The following MARK2 variants were observed in gnomAD, a reference collection of about 807,000 sequenced individuals.
MARK2 encodes microtubule affinity regulating kinase 2.
In MARK2, 16 loss-of-function variants were observed where a neutral mutation model predicts 89.8. The ratio of observed to expected loss-of-function variants is 0.18; its 90% CI spans 0.12 to 0.27. MARK2 has a LOEUF of 0.27. Among genes scored for constraint, MARK2 ranks in the 10% least tolerant of loss-of-function variants. The pLI, the probability that MARK2 is intolerant of heterozygous loss-of-function variation, is 1.00. For missense variants in MARK2, 621 were observed against 1,049.9 expected (o/e 0.59, Z 5.65); for synonymous variants, 382 against 399.5 (o/e 0.96, Z 0.52).
At chr11:63,891,652 CAG>C (rs1554982044) in intron 1 of MARK2, among the ~76,000 whole-genome samples, 13 of 152,368 alleles carry the variant, frequency 8.5e-5, no homozygotes, top group Non-Finnish European at 1.6e-4. Flanking sequence ...CTCGGAGAAA[CAG>C]GGAGTGACAA....
At chr11:63,906,207 C>A in intron 17 of MARK2, 93 bp downstream of exon 17, 1 of 1,242,068 alleles carries the variant, frequency 8.1e-7, no homozygotes, top group Middle Eastern at 3.0e-4. Context: ...CTGGCTCTTA[C>A]TCTCCTCCAT....
chr11:63,841,596 G>T (rs2016020523), intron 1 of MARK2, among the ~76,000 whole-genome samples: 1 of 152,116 alleles, frequency 6.6e-6, no homozygotes, highest in Non-Finnish European at 1.5e-5. Flanking sequence ...CTTTGTTTTA[G>T]CAGGTAAACC....
At chr11:63,879,067 G>A (rs1408387374) in intron 1 of MARK2, among the ~76,000 whole-genome samples, 2 of 152,170 alleles carry the variant, frequency 1.3e-5, no homozygotes, top group Non-Finnish European at 2.9e-5. Flanking sequence ...CACTTTGGGA[G>A]GCCGAGGCAG....
chr11:63,850,236 C>T (rs2016500007), intron 1 of MARK2, among the ~76,000 whole-genome samples: 1 of 152,034 alleles, frequency 6.6e-6, no homozygotes, highest in Non-Finnish European at 1.5e-5. Context: ...GTGACCTCCA[C>T]CTCCCAGGTT....
At chr11:63,846,571 G>C (rs1192790174) in intron 1 of MARK2, among the ~76,000 whole-genome samples, 4 of 151,772 alleles carry the variant, frequency 2.6e-5, no homozygotes, top group Non-Finnish European at 5.9e-5. Flanking sequence ...GGTCAGGCTG[G>C]CCTTGAACTC....
intron 1 of MARK2, among the ~76,000 whole-genome samples, chr11:63,873,954 T>C (rs1938600060): frequency 6.6e-6 from 1 of 152,232 alleles, no homozygotes; most frequent in Non-Finnish European, 1.5e-5. Flanking sequence ...GCCTGAAGAT[T>C]GGTTATTTAG....
chr11:63,900,927 C>G lies in MARK2; in HGVS notation c.989-30C>G. ...GGTTAAGCTTGCCTAGGAGTTGAGG[C>G]CAGTCTTAACTGTATGTCCCCCTGT... On this transcript the variant is annotated intron_variant, in intron 10 of 18. Transcript: ENST00000402010. This position sits in a 1 kb window ranked among gnomAD's most constrained non-coding sequence, Gnocchi z 4.7. The G allele has an allele frequency of 6.2e-7, 1 of 1,609,590 alleles. No individual in the cohort carries two copies. Among genetic ancestry groups the G allele is most frequent in the Non-Finnish European group, 8.5e-7 (1 of 1,175,806 alleles).
intron 1 of MARK2, among the ~76,000 whole-genome samples, chr11:63,892,500 C>G (rs1024464998): frequency 6.6e-6 from 1 of 152,142 alleles, no homozygotes; most frequent in Middle Eastern, 3.4e-3. Context: ...GAGTGCTTCA[C>G]GTACAGCCAG....
intron 1 of MARK2, among the ~76,000 whole-genome samples, chr11:63,852,775 A>G (rs1590972581): frequency 6.6e-6 from 1 of 152,202 alleles, no homozygotes; most frequent in East Asian, 1.9e-4. Context: ...GCGACAGAAC[A>G]TTTTCATGTA....
chr11:63,867,825 A>G (rs923705079), intron 1 of MARK2, among the ~76,000 whole-genome samples: 1 of 152,180 alleles, frequency 6.6e-6, no homozygotes, highest in East Asian at 1.9e-4. Context: ...AGGGATCTTC[A>G]GATCTCTCTT....
intron 1 of MARK2, among the ~76,000 whole-genome samples, chr11:63,853,162 A>G (rs1317185473): frequency 1.1e-4 from 16 of 151,992 alleles, no homozygotes; most frequent in Non-Finnish European, 1.8e-4. Context: ...AGTTTGGGAG[A>G]CCGAGGCAGG....
intron 1 of MARK2, among the ~76,000 whole-genome samples, chr11:63,847,099 G>A (rs1397741664): frequency 2.0e-5 from 3 of 152,166 alleles, no homozygotes; most frequent in Non-Finnish European, 4.4e-5. Flanking sequence ...TTCCAGCCTG[G>A]GCAACAGAGT....
chr11:63,849,170 C>A (rs1274438056), intron 1 of MARK2, among the ~76,000 whole-genome samples: 2 of 152,198 alleles, frequency 1.3e-5, no homozygotes, highest in African/African-American at 4.8e-5. Context: ...GCCCCCTCAA[C>A]CTTCTGGACT....
chr11:63,890,352 G>A (rs930216331), intron 1 of MARK2: 14 of 1,102,770 alleles, frequency 1.3e-5, no homozygotes, highest in Middle Eastern at 3.6e-4. Flanking sequence ...GTTCAGTCCC[G>A]AAAAGGGGGT....
intron 18 of MARK2, 66 bp from the exon 19 acceptor site, chr11:63,908,811 A>AGG (rs920196188): frequency 4.2e-5 from 59 of 1,408,516 alleles, no homozygotes; most frequent in African/African-American, 1.0e-4. Flanking sequence ...GCTGTCTGCC[A>AGG]GGGTGGCTCT....
chr11:63,898,934 C>A, intron 6 of MARK2, 101 bp downstream of exon 6: 1 of 1,260,878 alleles, frequency 7.9e-7, no homozygotes, highest in Non-Finnish European at 1.2e-6. Flanking sequence ...TTGGAGGGTA[C>A]TTTGGGCTCT....
intron 1 of MARK2, 21 bp downstream of exon 1, chr11:63,839,581 C>T: frequency 2.0e-6 from 3 of 1,491,388 alleles, no homozygotes; most frequent in Non-Finnish European, 1.8e-6. Flanking sequence ...CCGAGGGCTC[C>T]CCGAATTCTC....
Position 63,846,658 on chromosome 11 carries a change from T to A in MARK2, c.54+7098T>A, listed in dbSNP as rs867305067. On this transcript the variant is annotated intron_variant, in intron 1 of 18. Coordinates refer to ENST00000402010, the MANE Select transcript of MARK2 (RefSeq NM_001039469.3). ...AGTCACCCCGCCTGGCCAAAAAAAA[T>A]TTTTTTTTTTTTTTTGAGACGTTGT... Among the ~76,000 whole-genome samples the A allele has an allele frequency of 9.5e-3, 987 of 104,296 alleles. 5 individuals are homozygous for A. Among genetic ancestry groups the A allele is most frequent in the South Asian group, 0.021 (50 of 2,374 alleles). 68.4% of individuals were successfully genotyped at this position (104,296 alleles called of 152,430 possible). A position where few individuals can be genotyped will look rare whatever the true frequency, so the allele number is the denominator to read the frequency against.
chr11:63,905,544 A>G (rs1941257943), intron 16 of MARK2, among the ~76,000 whole-genome samples: 1 of 152,164 alleles, frequency 6.6e-6, no homozygotes, highest in Non-Finnish European at 1.5e-5. Flanking sequence ...TTTAGGGTGA[A>G]ACCTATAAAT....
Sources: allele counts gnomAD v4.1 joint callset (sites outside exome capture counted in the v4.1 genomes callset), GRCh38; gene constraint gnomAD v4.1.1; non-coding constraint Gnocchi (gnomAD v3.1); transcripts MANE v1.5; gene names NCBI Gene and HGNC (gene_info 2026-07-23, HGNC 2026-07-21).